SLIT2: variants seen among roughly 807,000 people sequenced by gnomAD.
SLIT2 encodes the protein slit homolog 2 protein.
SLIT2 carries 41 observed loss-of-function variants against 185.7 expected under a neutral mutation model. That is an observed-to-expected ratio of 0.22 (90% confidence interval 0.17 to 0.29). The LOEUF is 0.29. Ranked by LOEUF, SLIT2 falls within the 10% of genes least tolerant of loss-of-function variation. The pLI is 1.00. For missense variants in SLIT2, 1,571 were observed against 1,909.0 expected, an observed-to-expected ratio of 0.82 and a Z score of 3.30; for synonymous variants, 693 against 680.2, an observed-to-expected ratio of 1.02 and a Z score of -0.29.
chr4:20,478,499 C>T (rs1198166177), intron 5 of SLIT2, among the ~76,000 whole-genome samples: 1 of 152,212 alleles, frequency 6.6e-6, no homozygotes, highest in Non-Finnish European at 1.5e-5. Context: ...CCTTGTAGGA[C>T]AAGGTTTGCT....
intron 4 of SLIT2, among the ~76,000 whole-genome samples, chr4:20,392,928 G>A (rs996157484): frequency 1.3e-5 from 2 of 151,942 alleles, no homozygotes; most frequent in African/African-American, 4.8e-5. Flanking sequence ...TTATTAGTAG[G>A]AGTACATGCT....
chr4:20,573,623 A>G (rs901576144), intron 29 of SLIT2, among the ~76,000 whole-genome samples: 23 of 152,316 alleles, frequency 1.5e-4, no homozygotes, highest in African/African-American at 5.1e-4. Flanking sequence ...AATGAAAAAC[A>G]TAGGTTATTT....
chr4:20,537,434 G>C (rs979613694), intron 18 of SLIT2, among the ~76,000 whole-genome samples: 3 of 152,018 alleles, frequency 2.0e-5, no homozygotes, highest in Non-Finnish European at 2.9e-5. Context: ...GGGGGTTAGG[G>C]CTTCAAAATA....
chr4:20,273,144 T>C (rs1225589080), intron 4 of SLIT2, among the ~76,000 whole-genome samples: 1 of 152,066 alleles, frequency 6.6e-6, no homozygotes, highest in Non-Finnish European at 1.5e-5. Context: ...CAAATATATA[T>C]AATTAAGCTG....
At chr4:20,355,703 A>G (rs913703131) in intron 4 of SLIT2, among the ~76,000 whole-genome samples, 3 of 152,160 alleles carry the variant, frequency 2.0e-5, no homozygotes, top group African/African-American at 7.2e-5. Context: ...AAGTAAACCA[A>G]AACTTTACTT....
At chr4:20,549,486 T>A (rs182048660) in intron 24 of SLIT2, among the ~76,000 whole-genome samples, 1 of 152,142 alleles carries the variant, frequency 6.6e-6, no homozygotes, top group African/African-American at 2.4e-5. Flanking sequence ...TATGAAAACA[T>A]TTTTACTGTG....
chr4:20,309,923 CT>C (rs1577407338), intron 4 of SLIT2, among the ~76,000 whole-genome samples: 1 of 152,070 alleles, frequency 6.6e-6, no homozygotes, highest in East Asian at 1.9e-4. Context: ...CCACGCCTGG[CT>C]AATTTTTTGT....
At chr4:20,296,578 C>CTA (rs1716506014) in intron 4 of SLIT2, among the ~76,000 whole-genome samples, 1 of 152,136 alleles carries the variant, frequency 6.6e-6, no homozygotes, top group Non-Finnish European at 1.5e-5. Flanking sequence ...TGATGTTGGA[C>CTA]TATAGATACT....
intron 25 of SLIT2, among the ~76,000 whole-genome samples, chr4:20,552,068 G>A (rs2148892871): frequency 6.6e-6 from 1 of 152,240 alleles, no homozygotes; most frequent in Middle Eastern, 3.4e-3. Context: ...TTTGAGCCAA[G>A]AACCTACCTC....
chr4:20,472,347 G>GATATATCT (rs1560453363), intron 5 of SLIT2, among the ~76,000 whole-genome samples: 1 of 19,328 alleles, frequency 5.2e-5, no homozygotes, highest in Non-Finnish European at 9.4e-5. Context: ...TCTATATATA[G>GATATATCT]ATATAGATAT....
rs530725559 is a variant in SLIT2 at position 20,455,596 on chromosome 4, A to G, written c.396-12156A>G. On this transcript the variant is annotated intron_variant, in intron 4 of 36. Transcript: ENST00000504154. ...TGTTATATTTATACAATGGAATATT[A>G]TTGAGCGATAAAAATAAATGGAGTA... 2.0e-5 allele frequency among the ~76,000 whole-genome samples: 3 copies of G among 152,152 alleles called. 1 individual carries two copies. The highest frequency in any genetic ancestry group is 1.5e-5 in the Non-Finnish European group (1 of 67,992).
At chr4:20,291,482 ATATATATATATTTTTT>A (rs1715878769) in intron 4 of SLIT2, among the ~76,000 whole-genome samples, 2 of 12,678 alleles carry the variant, frequency 1.6e-4, no homozygotes, top group African/African-American at 6.1e-4. Flanking sequence ...ATATATATAT[ATATATATATATTTTTT>A]TTTTTTTTTT....
intron 25 of SLIT2, 111 bp from the exon 26 acceptor site, chr4:20,553,694 T>G (rs759334290): frequency 1.9e-6 from 2 of 1,028,614 alleles, no homozygotes; most frequent in Non-Finnish European, 2.6e-6. Context: ...GAGCATCACT[T>G]TGAATTCTTT....
chr4:20,273,489 G>A (rs1577351942), intron 4 of SLIT2, among the ~76,000 whole-genome samples: 1 of 151,880 alleles, frequency 6.6e-6, no homozygotes, highest in Admixed American at 6.6e-5. Context: ...TCTCTGTTGG[G>A]TTCAGGGTTT....
chr4:20,341,583 A>G (rs1720966485), intron 4 of SLIT2, among the ~76,000 whole-genome samples: 1 of 152,226 alleles, frequency 6.6e-6, no homozygotes, highest in Non-Finnish European at 1.5e-5. Flanking sequence ...CTAGTGGAAC[A>G]CCACTGAGTC....
intron 5 of SLIT2, among the ~76,000 whole-genome samples, chr4:20,479,429 G>A (rs1716464005): frequency 6.6e-6 from 1 of 152,000 alleles, no homozygotes. Context: ...TTGAAACGAG[G>A]ACAGGATGCA....
At chr4:20,540,712 A>G (rs1342053611) in intron 19 of SLIT2, among the ~76,000 whole-genome samples, 1 of 152,232 alleles carries the variant, frequency 6.6e-6, no homozygotes. Context: ...AGCTCAAGTC[A>G]GTGAAGAAAT....
At chr4:20,378,786 C>G (rs781604069) in intron 4 of SLIT2, among the ~76,000 whole-genome samples, 1 of 152,104 alleles carries the variant, frequency 6.6e-6, no homozygotes, top group Admixed American at 6.6e-5. Context: ...CACCTGCATA[C>G]ATATATTTAA....
chr4:20,576,132 C>T (rs558847797), intron 29 of SLIT2, among the ~76,000 whole-genome samples: 1 of 152,316 alleles, frequency 6.6e-6, no homozygotes, highest in East Asian at 1.9e-4. Flanking sequence ...TTAAATTTTG[C>T]ATCATTTAAT....
Sources: gnomAD v4.1 joint callset for allele counts (sites outside exome capture counted in the v4.1 genomes callset) on GRCh38, gnomAD v4.1.1 for gene constraint, MANE v1.5 for transcripts, NCBI Gene and HGNC (gene_info 2026-07-23, HGNC 2026-07-21) for gene names.